The following RFX7 variants were observed in gnomAD, a reference collection of about 807,000 sequenced individuals.
RFX7 encodes the protein regulatory factor X7.
Under a neutral mutation model 111.8 loss-of-function variants are expected in RFX7, and 26 were observed. That is an observed-to-expected ratio of 0.23 (90% CI 0.17 to 0.32). The LOEUF is 0.32. Among genes scored for constraint, RFX7 ranks in the 10% least tolerant of loss-of-function variants. The pLI, the probability that RFX7 is intolerant of heterozygous loss-of-function variation, is 1.00. For synonymous variants in RFX7, 624 were observed against 624.4 expected, an observed-to-expected ratio of 1.00 and a Z score of 0.01; for missense variants, 1,573 against 1,772.9, an observed-to-expected ratio of 0.89 and a Z score of 2.02.
At chr15:56,178,425 G>GACC (rs542837430) in intron 3 of RFX7, among the ~76,000 whole-genome samples, 1 of 151,878 alleles carries the variant, frequency 6.6e-6, no homozygotes, top group Non-Finnish European at 1.5e-5. Context: ...CACTGTAACA[G>GACC]ACCACCACCA....
intron 2 of RFX7, among the ~76,000 whole-genome samples, chr15:56,196,843 T>C (rs1434099038): frequency 6.6e-6 from 1 of 152,190 alleles, no homozygotes; most frequent in African/African-American, 2.4e-5. Flanking sequence ...TACTGTAACA[T>C]ACAACATTGC....
intron 2 of RFX7, among the ~76,000 whole-genome samples, chr15:56,203,507 G>A (rs1027671471): frequency 1.3e-5 from 2 of 152,186 alleles, no homozygotes; most frequent in South Asian, 2.1e-4. Flanking sequence ...TTAAATAGGA[G>A]CTGGGTAAAA....
chr15:56,236,524 T>C (rs1482536295), intron 2 of RFX7, among the ~76,000 whole-genome samples: 1 of 152,180 alleles, frequency 6.6e-6, no homozygotes, highest in Non-Finnish European at 1.5e-5. Flanking sequence ...TGGTCTACTT[T>C]GCTCAGAGAT....
intron 5 of RFX7, among the ~76,000 whole-genome samples, chr15:56,140,529 T>C (rs1479679413): frequency 6.6e-6 from 1 of 152,190 alleles, no homozygotes; most frequent in Non-Finnish European, 1.5e-5. Context: ...CACTCCCTAG[T>C]GAGATGAACC....
intron 5 of RFX7, among the ~76,000 whole-genome samples, chr15:56,137,789 C>A (rs1217094753): frequency 6.6e-6 from 1 of 151,834 alleles, no homozygotes; most frequent in East Asian, 1.9e-4. Context: ...GCTTTGAATG[C>A]GTCCCAGAGA....
intron 3 of RFX7, among the ~76,000 whole-genome samples, chr15:56,148,674 G>A (rs2042520738): frequency 6.6e-6 from 1 of 152,188 alleles, no homozygotes; most frequent in African/African-American, 2.4e-5. Flanking sequence ...GACAGAGACA[G>A]TATTCCATCT....
intron 3 of RFX7, among the ~76,000 whole-genome samples, chr15:56,157,359 T>A (rs1156791894): frequency 6.6e-6 from 1 of 152,200 alleles, no homozygotes; most frequent in Non-Finnish European, 1.5e-5. Context: ...TGTGTGGGCC[T>A]TTAATTCCTC....
At chr15:56,175,622 G>A (rs2042895661) in intron 3 of RFX7, among the ~76,000 whole-genome samples, 1 of 152,078 alleles carries the variant, frequency 6.6e-6, no homozygotes, top group Non-Finnish European at 1.5e-5. Context: ...ACTGGGGAGA[G>A]GCAGACTTTT....
Position 56,090,654 on chromosome 15 carries a change from A to G in RFX7, c.*2691T>C, listed in dbSNP as rs767290336. The G allele has an allele frequency of 6.6e-6, 1 of 152,630 alleles. No individual in the cohort carries two copies. The highest frequency in any genetic ancestry group is 6.5e-5 in the Admixed American group (1 of 15,272). 9.5% of individuals were successfully genotyped at this position (152,630 alleles called of 1,614,324 possible). A position where few individuals can be genotyped will look rare whatever the true frequency, so the allele number is the denominator to read the frequency against. On this transcript the variant is annotated 3_prime_UTR_variant, in exon 10 of 10. Transcript: ENST00000559447. ...AATATTCAACTACTGTAGTTTCAGCAGGTACAACAGACAACAAAACACTGG... is the reference window on the plus strand; with the variant it reads ...AATATTCAACTACTGTAGTTTCAGCGGGTACAACAGACAACAAAACACTGG...
chr15:56,092,914 A>T lies in RFX7; in HGVS notation c.*431T>A, dbSNP rs2041615286. The stretch of plus-strand genomic sequence containing the variant: ...GAATATTATCCCTGTTTCAAGGAAG[A>T]CTTTCTTGTCTACAGTTCACCCTAG... On this transcript the variant is annotated 3_prime_UTR_variant, in exon 10 of 10. Coordinates refer to ENST00000559447, the MANE Select transcript of RFX7 (RefSeq NM_022841.7). The T allele has an allele frequency of 6.4e-6, 1 of 156,916 alleles. No individual in the cohort carries two copies. The highest frequency in any genetic ancestry group is 2.4e-5 in the African/African-American group (1 of 41,512). The allele number at this position is 156,916 out of a possible 1,614,324, so 9.7% of individuals were successfully genotyped here. A position where few individuals can be genotyped will look rare whatever the true frequency, so the allele number is the denominator to read the frequency against.
chr15:56,163,350 T>C (rs1251129758), intron 3 of RFX7, among the ~76,000 whole-genome samples: 1 of 152,130 alleles, frequency 6.6e-6, no homozygotes, highest in Admixed American at 6.5e-5. Flanking sequence ...CCCATTCTAA[T>C]AGTAGGTCTG....
chr15:56,237,434 A>G (rs2043635665), intron 2 of RFX7, among the ~76,000 whole-genome samples: 1 of 152,224 alleles, frequency 6.6e-6, no homozygotes, highest in Non-Finnish European at 1.5e-5. Context: ...GTCCTCAAAT[A>G]TAAGTAAATG....
At chr15:56,106,883 G>C (rs2041836679) in intron 5 of RFX7, among the ~76,000 whole-genome samples, 1 of 152,052 alleles carries the variant, frequency 6.6e-6, no homozygotes, top group African/African-American at 2.4e-5. Context: ...AACGTTAACT[G>C]CAGGTTGACC....
intron 2 of RFX7, among the ~76,000 whole-genome samples, chr15:56,220,377 C>T (rs2043412239): frequency 1.3e-5 from 2 of 152,102 alleles, no homozygotes; most frequent in African/African-American, 4.8e-5. Flanking sequence ...ATTACAGGTG[C>T]CTGCCACCAT....
chr15:56,225,717 G>A (rs979191707), intron 2 of RFX7, among the ~76,000 whole-genome samples: 33 of 152,118 alleles, frequency 2.2e-4, no homozygotes, highest in African/African-American at 7.2e-4. Context: ...GAGACTACAA[G>A]CAAGTAAACT....
At chr15:56,234,605 C>T (rs142035418) in intron 2 of RFX7, among the ~76,000 whole-genome samples, 446 of 152,254 alleles carry the variant, frequency 2.9e-3, no homozygotes, top group Middle Eastern at 0.014. Flanking sequence ...TGTTGGAATA[C>T]GTTTCTCAGG....
chr15:56,131,667 A>C (rs1210083580), intron 5 of RFX7, among the ~76,000 whole-genome samples: 1 of 152,216 alleles, frequency 6.6e-6, no homozygotes, highest in Non-Finnish European at 1.5e-5. Context: ...TCCAATATTC[A>C]CTTCTCATTA....
chr15:56,137,521 C>T lies in RFX7; in HGVS notation c.401+5257G>A, dbSNP rs2042321937. 2.6e-5 allele frequency among the ~76,000 whole-genome samples: 4 copies of T among 152,124 alleles called. No individual in the cohort carries two copies. The South Asian group carries it at 8.3e-4, about 32-fold the overall frequency. On this transcript the variant is annotated intron_variant, in intron 5 of 9. Transcript: ENST00000559447. Reference sequence around the variant, plus strand: ...TCTTCTCTCTTTTTTTCTTATTAGTCTTGCTAGCGGTCTATCAATCCTGTT... The same window carrying T: ...TCTTCTCTCTTTTTTTCTTATTAGTTTTGCTAGCGGTCTATCAATCCTGTT...
At chr15:56,218,386 C>G (rs1219603194) in intron 2 of RFX7, among the ~76,000 whole-genome samples, 2 of 152,072 alleles carry the variant, frequency 1.3e-5, no homozygotes, top group Non-Finnish European at 2.9e-5. Context: ...CCCGCCTCAG[C>G]CTCCCAAAGT....
Sources: allele counts gnomAD v4.1 joint callset (sites outside exome capture counted in the v4.1 genomes callset), GRCh38; gene constraint gnomAD v4.1.1; transcripts MANE v1.5; gene names NCBI Gene and HGNC (gene_info 2026-07-23, HGNC 2026-07-21).